The following VANGL1 variants were observed in gnomAD, a reference collection of about 807,000 sequenced individuals.
The protein encoded by VANGL1 is VANGL planar cell polarity protein 1.
Under a neutral mutation model 48.4 loss-of-function variants are expected in VANGL1, and 18 were observed. The observed-to-expected ratio is 0.37, with a 90% confidence interval of 0.26 to 0.55. VANGL1 has a LOEUF of 0.55. Ranked by LOEUF, VANGL1 falls within the 20% of genes least tolerant of loss-of-function variation. VANGL1 has a pLI of 0.81. For synonymous variants in VANGL1, 257 were observed against 261.8 expected (o/e 0.98, Z 0.18); for missense variants, 667 against 675.8 (o/e 0.99, Z 0.14).
rs1390981808 is a variant in VANGL1, at chr1:115,691,405, A to T, written c.*26A>T. ...AAGTTCTATATTTGTGGCTTTATTAAAAAAAAAAGAAAAATATATAGAGAG... is the reference window on the plus strand; with the variant it reads ...AAGTTCTATATTTGTGGCTTTATTATAAAAAAAAGAAAAATATATAGAGAG... On this transcript the variant is annotated 3_prime_UTR_variant, in exon 8 of 8. Transcript: ENST00000355485. 2 of 1,593,054 alleles carry T rather than the reference A, an allele frequency of 1.3e-6. No homozygotes were observed. The highest frequency in any genetic ancestry group is 3.6e-5 in the Admixed American group (2 of 56,112).
At chr1:115,655,387 A>G (rs925933851) in intron 2 of VANGL1, among the ~76,000 whole-genome samples, 1 of 152,260 alleles carries the variant, frequency 6.6e-6, no homozygotes, top group East Asian at 1.9e-4. Flanking sequence ...GCTTAGCTCT[A>G]GAACCACCTA....
At chr1:115,656,506 C>A (rs182634214) in intron 2 of VANGL1, among the ~76,000 whole-genome samples, 191 of 152,266 alleles carry the variant, frequency 1.3e-3, no homozygotes, top group Non-Finnish European at 2.3e-3. Flanking sequence ...GCACTTGAGT[C>A]CATACCTAGG....
At position 115,697,932 on chromosome 1, in the gene VANGL1, C is replaced by T. The variant is rs1654087169; in HGVS notation, c.*6553C>T. Reference sequence around the variant, plus strand: ...GTTCCTGCATAAACTGGGTAGTGGGCTCTTTTGACACATTTGCAAGCATGT... The same window carrying T: ...GTTCCTGCATAAACTGGGTAGTGGGTTCTTTTGACACATTTGCAAGCATGT... On this transcript the variant is annotated 3_prime_UTR_variant, in exon 8 of 8. Transcript: ENST00000355485. 6.6e-6 allele frequency: 1 copy of T among 152,124 alleles called. No individual in the cohort carries two copies. Among genetic ancestry groups the T allele is most frequent in the Non-Finnish European group, 1.5e-5 (1 of 68,030 alleles). The allele number at this position is 152,124 out of a possible 1,614,324, so 9.4% of individuals were successfully genotyped here.
intron 1 of VANGL1, among the ~76,000 whole-genome samples, chr1:115,643,613 C>G (rs1332170758): frequency 6.6e-6 from 1 of 152,136 alleles, no homozygotes; most frequent in African/African-American, 2.4e-5. Flanking sequence ...GGCAGTGAGG[C>G]TTGCTTGCAA....
chr1:115,671,658 A>G (rs10801913), intron 4 of VANGL1, among the ~76,000 whole-genome samples: 98,383 of 151,994 alleles, frequency 0.65, 32,300 homozygotes, highest in South Asian at 0.74. Flanking sequence ...GGAGAGAGCA[A>G]AGTTCCCATC....
At chr1:115,662,593 A>G (rs965011143) in intron 3 of VANGL1, among the ~76,000 whole-genome samples, 8 of 152,228 alleles carry the variant, frequency 5.3e-5, no homozygotes, top group African/African-American at 1.7e-4. Flanking sequence ...AAAAGATAAC[A>G]TTTTAATAAT....
intron 2 of VANGL1, among the ~76,000 whole-genome samples, chr1:115,651,751 C>T (rs1448814950): frequency 1.3e-5 from 2 of 151,600 alleles, no homozygotes; most frequent in Non-Finnish European, 2.9e-5. Context: ...TTTTTCATTT[C>T]TAGGTATTTC....
At chr1:115,651,542 G>T in intron 2 of VANGL1, 58 bp downstream of exon 2, 2 of 1,494,730 alleles carry the variant, frequency 1.3e-6, no homozygotes, top group Non-Finnish European at 9.3e-7. Context: ...AGGTTGGTGG[G>T]GTTCTCTACA....
At chr1:115,646,932 G>T (rs1320758540) in intron 1 of VANGL1, among the ~76,000 whole-genome samples, 1 of 152,188 alleles carries the variant, frequency 6.6e-6, no homozygotes, top group Non-Finnish European at 1.5e-5. Flanking sequence ...GCAAAACAGG[G>T]CATGTAAAGG....
chr1:115,681,800 C>A (rs1194214684), intron 4 of VANGL1, among the ~76,000 whole-genome samples: 1 of 152,168 alleles, frequency 6.6e-6, no homozygotes, highest in Non-Finnish European at 1.5e-5. Context: ...AGCCACCGCG[C>A]GTGGCCAAGG....
Position 115,697,839 on chromosome 1 carries a change from A to G in VANGL1, c.*6460A>G, listed in dbSNP as rs1654084382. 6.6e-6 allele frequency: 1 copy of G among 152,212 alleles called. No individual in the cohort carries two copies. The highest frequency in any genetic ancestry group is 1.5e-5 in the Non-Finnish European group (1 of 68,028). 9.4% of individuals were successfully genotyped at this position (152,212 alleles called of 1,614,324 possible). ...TTAGTTAATACTGTACATTGTAACC[A>G]GGAGGGGCAGTTTTGCCAACCAGCC... On this transcript the variant is annotated 3_prime_UTR_variant, in exon 8 of 8. Coordinates refer to ENST00000355485, the MANE Select transcript of VANGL1 (RefSeq NM_138959.3).
chr1:115,687,197 C>T (rs1653665636), intron 7 of VANGL1, among the ~76,000 whole-genome samples: 1 of 138,772 alleles, frequency 7.2e-6, no homozygotes, highest in African/African-American at 2.7e-5. Flanking sequence ...TGAATATACA[C>T]AAAGGTGGTG....
In VANGL1 at chr1:115,696,841, C is replaced by T. The variant is rs1256431983; in HGVS notation, c.*5462C>T. 1 of 152,166 alleles carries T rather than the reference C, an allele frequency of 6.6e-6. No individual in the cohort carries two copies. Among genetic ancestry groups the T allele is most frequent in the Non-Finnish European group, 1.5e-5 (1 of 68,026 alleles). 9.4% of individuals were successfully genotyped at this position (152,166 alleles called of 1,614,324 possible). On this transcript the variant is annotated 3_prime_UTR_variant, in exon 8 of 8. Transcript: ENST00000355485. ...TATGTCTCTCTCAGCTTACAAACAT[C>T]AGCGTTTTGTCCTTGTCATAGTGGA...
Position 115,664,114 on chromosome 1 carries a change from G to C in VANGL1, c.658G>C (p.Val220Leu), listed in dbSNP as rs1652681887. 1 of 1,614,076 alleles carries C rather than the reference G, an allele frequency of 6.2e-7. No individual in the cohort carries two copies. The highest frequency in any genetic ancestry group is 1.3e-5 in the African/African-American group (1 of 74,920). ...DSRDRNYQGI[V>L]QYAVSLVDAL... ...TCGGGACCGGAATTACCAGGGCATTGTGCAATATGCAGTCTCCCTTGTGGA... is the reference window on the plus strand; with the variant it reads ...TCGGGACCGGAATTACCAGGGCATTCTGCAATATGCAGTCTCCCTTGTGGA... Residue 220 changes from valine to leucine, a missense_variant, in exon 4 of 8, where the codon GTG becomes CTG. Transcript: ENST00000355485.
intron 2 of VANGL1, 31 bp downstream of exon 2, chr1:115,651,515 C>T: frequency 6.2e-7 from 1 of 1,603,536 alleles, no homozygotes; most frequent in African/African-American, 1.3e-5. Flanking sequence ...TACACTTTTC[C>T]TTTTGGGGAA....
intron 4 of VANGL1, 101 bp downstream of exon 4, chr1:115,664,369 G>T: frequency 6.6e-7 from 1 of 1,503,992 alleles, no homozygotes; most frequent in South Asian, 1.3e-5. Context: ...CCAAGAGCTA[G>T]GACCAGAGTC....
rs1653771993 is a variant in VANGL1 at position 115,689,974 on chromosome 1, C to G, written c.1315-1145C>G. 1.4e-5 allele frequency among the ~76,000 whole-genome samples: 2 copies of G among 138,668 alleles called. 1 individual carries two copies. The highest frequency in any genetic ancestry group is 5.4e-5 in the African/African-American group (2 of 36,854). The allele number at this position is 138,668 out of a possible 152,430, so 91.0% of individuals were successfully genotyped here. A position where few individuals can be genotyped will look rare whatever the true frequency, so the allele number is the denominator to read the frequency against. Reference sequence around the variant, plus strand: ...CTATCTCAACAAAACAAAATCTGTTCTTGACTCTGTCTGGGACCTGATTGA... The same window carrying G: ...CTATCTCAACAAAACAAAATCTGTTGTTGACTCTGTCTGGGACCTGATTGA... On this transcript the variant is annotated intron_variant, in intron 7 of 7. Coordinates refer to ENST00000355485, the MANE Select transcript of VANGL1 (RefSeq NM_138959.3).
chr1:115,651,140 G>C, intron 1 of VANGL1, 137 bp from the exon 2 acceptor site: 1 of 457,168 alleles, frequency 2.2e-6, no homozygotes, highest in South Asian at 2.2e-5. Context: ...AGCATTTACA[G>C]TTCAGTTGCT....
intron 1 of VANGL1, among the ~76,000 whole-genome samples, chr1:115,648,145 G>T (rs188681039): frequency 5.3e-5 from 8 of 152,344 alleles, no homozygotes; most frequent in Non-Finnish European, 2.9e-5. Context: ...CTCTGCTAGG[G>T]CAGGCAGCAT....
Sources: allele counts gnomAD v4.1 joint callset (sites outside exome capture counted in the v4.1 genomes callset), GRCh38; gene constraint gnomAD v4.1.1; transcripts MANE v1.5; gene names NCBI Gene and HGNC (gene_info 2026-07-23, HGNC 2026-07-21).